The following RCOR2 variants were observed in gnomAD, a reference collection of about 807,000 sequenced individuals.
The protein encoded by RCOR2 is REST corepressor 2.
Under a neutral mutation model 58.9 loss-of-function variants are expected in RCOR2, and 19 were observed. The observed-to-expected ratio is 0.32, with a 90% CI of 0.23 to 0.47. The LOEUF (loss-of-function observed/expected upper bound fraction) is 0.47. RCOR2 is among the 20% of genes least tolerant of loss of function. RCOR2 has a pLI of 1.00. For missense variants in RCOR2, 590 were observed against 707.9 expected (o/e 0.83, Z 1.89); for synonymous variants, 286 against 278.7 (o/e 1.03, Z -0.26).
At position 63,916,554 on chromosome 11, in the gene RCOR2, G is replaced by A. The variant is rs1941861143; in HGVS notation, c.-98C>T. On this transcript the variant is annotated 5_prime_UTR_variant, in exon 1 of 12. Coordinates refer to ENST00000301459, the MANE Select transcript of RCOR2 (RefSeq NM_173587.4). ...TGCCGAGCCCGGCCCGGCCTGGAGA[G>A]GTCGCCACTGAGGTTAGGAGAGGCA... 6.8e-7 allele frequency: 1 copy of A among 1,473,796 alleles called. No individual in the cohort carries two copies. Among genetic ancestry groups the A allele is most frequent in the South Asian group, 1.4e-5 (1 of 73,808 alleles). The allele number at this position is 1,473,796 out of a possible 1,614,324, so 91.3% of individuals were successfully genotyped here. A position where few individuals can be genotyped will look rare whatever the true frequency, so the allele number is the denominator to read the frequency against.
chr11:63,920,983 G>A (rs1054286274), upstream of RCOR2, among the ~76,000 whole-genome samples: 5 of 152,220 alleles, frequency 3.3e-5, no homozygotes, highest in African/African-American at 1.2e-4. Context: ...CACGGTGGCC[G>A]TGCAAGGAGG....
chr11:63,923,297 C>T, the RCOR2 span, among the ~76,000 whole-genome samples: 4 of 151,868 alleles, frequency 2.6e-5, no homozygotes, highest in Non-Finnish European at 5.9e-5. Flanking sequence ...TCATCCTAAA[C>T]ACACACACAC....
upstream of RCOR2, among the ~76,000 whole-genome samples, chr11:63,920,012 G>C (rs1220737199): frequency 6.6e-6 from 1 of 152,194 alleles, no homozygotes; most frequent in Non-Finnish European, 1.5e-5. Flanking sequence ...CAGGGAAGCC[G>C]GCCCTAGCCA....
At chr11:63,915,355 G>A (rs1941840801) in intron 2 of RCOR2, 97 bp from the exon 3 acceptor site, 2 of 1,236,102 alleles carry the variant, frequency 1.6e-6, no homozygotes, top group East Asian at 5.1e-5. Flanking sequence ...TGGAGCCAGG[G>A]AGGTTGAGGC....
At chr11:63,918,773 TG>T (rs1941895675), upstream of RCOR2, among the ~76,000 whole-genome samples, 1 of 152,010 alleles carries the variant, frequency 6.6e-6, no homozygotes, top group East Asian at 1.9e-4. Flanking sequence ...TCTTCCATCT[TG>T]CCCCCGCCCC....
At chr11:63,912,645 G>T (rs756097093) in intron 10 of RCOR2, 31 bp downstream of exon 10, 1 of 1,610,702 alleles carries the variant, frequency 6.2e-7, no homozygotes, top group Non-Finnish European at 8.5e-7. Context: ...AGATTCCTGG[G>T]GTCCTCTCTT....
intron 1 of RCOR2, among the ~76,000 whole-genome samples, chr11:63,915,866 G>A (rs1293807592): frequency 6.6e-6 from 1 of 152,234 alleles, no homozygotes; most frequent in East Asian, 1.9e-4. Context: ...TAGAGCCCAG[G>A]CCAAGCAGGG....
intron 1 of RCOR2, 128 bp from the exon 2 acceptor site, chr11:63,915,739 G>A: frequency 2.5e-6 from 2 of 798,196 alleles, no homozygotes; most frequent in Non-Finnish European, 4.2e-6. Flanking sequence ...CCTTCCAGGA[G>A]GCTCACTTTT....
chr11:63,917,592 G>T (rs1941879245), upstream of RCOR2, among the ~76,000 whole-genome samples: 2 of 152,164 alleles, frequency 1.3e-5, no homozygotes, highest in African/African-American at 4.8e-5. Context: ...TCCGCAGGGG[G>T]GACCCCCCTT....
chr11:63,914,601 C>T, intron 5 of RCOR2, 54 bp downstream of exon 5: 2 of 1,609,922 alleles, frequency 1.2e-6, no homozygotes, highest in African/African-American at 1.3e-5. Context: ...CAGGTAAGCT[C>T]TTCAGAAAGG....
At chr11:63,924,758 A>G in the RCOR2 span, among the ~76,000 whole-genome samples, 1 of 151,590 alleles carries the variant, frequency 6.6e-6, no homozygotes, top group Non-Finnish European at 1.5e-5. Context: ...TATAAGGCCC[A>G]TGCTGGTCTT....
In RCOR2 at chr11:63,912,960, G is replaced by A; in HGVS notation, c.892-13C>T. The stretch of plus-strand genomic sequence containing the variant: ...TCATGCTCTGTACCTGGGAAGGCCA[G>A]GAAGTGGAGGAATATCAGACTCCCA... On this transcript the variant is annotated splice_polypyrimidine_tract_variant and intron_variant, in intron 8 of 11. Coordinates refer to ENST00000301459, the MANE Select transcript of RCOR2 (RefSeq NM_173587.4). 1 of 1,609,244 alleles carries A rather than the reference G, an allele frequency of 6.2e-7. No individual in the cohort carries two copies. The highest frequency in any genetic ancestry group is 1.1e-5 in the South Asian group (1 of 90,408).
upstream of RCOR2, among the ~76,000 whole-genome samples, chr11:63,919,053 T>C (rs369283965): frequency 6.6e-6 from 1 of 151,706 alleles, no homozygotes; most frequent in Non-Finnish European, 1.5e-5. Context: ...GCTCTGGAGG[T>C]GGGGACAGGG....
Position 63,916,453 on chromosome 11 carries a change from G to A in RCOR2, c.4C>T (p.Pro2Ser), listed in dbSNP as rs754468663. 1.2e-6 allele frequency: 2 copies of A among 1,606,910 alleles called. No individual in the cohort carries two copies. Among genetic ancestry groups the A allele is most frequent in the Non-Finnish European group, 1.7e-6 (2 of 1,177,826 alleles). The change falls in exon 1 of 12, where the codon CCC becomes TCC. Residue 2 changes from proline (P) to serine (S), a missense_variant. Physicochemically the swap from Pro to Ser is moderately conservative, Grantham distance 74. This residue lies in a region of RCOR2 where 390 missense variants were observed against 478.7 expected (regional missense o/e 0.81). Transcript: ENST00000301459. M[P>S]SVMEKPSAGS... ...GCGCTCGGCTTCTCCATCACTGAGG[G>A]CATTACCCCGCCCAGCTGCCCCGGG...
chr11:63,913,500 T>TTTTTTTTTTTTTTTG (rs1590734528), intron 8 of RCOR2, among the ~76,000 whole-genome samples: 6 of 147,440 alleles, frequency 4.1e-5, no homozygotes, highest in Admixed American at 1.4e-4. Flanking sequence ...TATTTTTTTT[T>TTTTTTTTTTTTTTTG]GAGACGGAAT....
chr11:63,914,346 CCAGGGAGGG>C lies in RCOR2; in HGVS notation c.606-25_606-17del. The C allele has an allele frequency of 6.2e-7, 1 of 1,613,468 alleles. No individual in the cohort carries two copies. Among genetic ancestry groups the C allele is most frequent in the Non-Finnish European group, 8.5e-7 (1 of 1,180,006 alleles). ...GAGCTCATCACTGCTGACACAGGGG[CCAGGGAGGG>C]AATGAGGCAGCTGCCAGGAGCTCTA... On this transcript the variant is annotated splice_polypyrimidine_tract_variant and intron_variant, in intron 6 of 11. Coordinates refer to ENST00000301459, the MANE Select transcript of RCOR2 (RefSeq NM_173587.4).
chr11:63,927,622 C>G, the RCOR2 span, among the ~76,000 whole-genome samples: 1 of 152,244 alleles, frequency 6.6e-6, no homozygotes, highest in East Asian at 1.9e-4. Context: ...GGTGGGGCAC[C>G]TGTCTTACCC....
At position 63,912,363 on chromosome 11, in the gene RCOR2, A is replaced by T. The variant is rs1318364165; in HGVS notation, c.1199T>A (p.Met400Lys). ...TGGAGCCCCTCTCCTAGCCTCCTCC[A>T]TGGGGACTGGGGCTCCAGGGGCCCC... is the stretch of plus-strand genomic sequence containing the variant. ...QDGAPGAPVP[M>K]EEARRGAPLP... Residue 400 changes from methionine to lysine, a missense_variant, in exon 11 of 12, where the codon ATG (methionine) becomes AAG (lysine). Transcript: ENST00000301459. 6.2e-7 allele frequency: 1 copy of T among 1,613,646 alleles called. No individual in the cohort carries two copies.
chr11:63,913,162 TTATA>T (rs1204145215), intron 8 of RCOR2, among the ~76,000 whole-genome samples: 29 of 68,230 alleles, frequency 4.3e-4, no homozygotes, highest in African/African-American at 1.3e-3. Context: ...TTTTTATTTT[TTATA>T]TATATATATA....
Sources: gnomAD v4.1 joint callset for allele counts (sites outside exome capture counted in the v4.1 genomes callset) on GRCh38, gnomAD v4.1.1 for gene constraint, gnomAD v4.1.1 regional missense constraint, MANE v1.5 for transcripts, NCBI Gene and HGNC (gene_info 2026-07-23, HGNC 2026-07-21) for gene names.